Variants in LOC400499 observed in about 807,000 individuals in gnomAD.
At chr16:11,474,786 T>C in the LOC400499 span, among the ~76,000 whole-genome samples, 1 of 152,100 alleles carries the variant, frequency 6.6e-6, no homozygotes, top group African/African-American at 2.4e-5. Context: ...GGAGGACCAC[T>C]TGAGCCTGGG....
At chr16:11,457,099 G>A in the LOC400499 span, 3 of 1,451,768 alleles carry the variant, frequency 2.1e-6, no homozygotes, top group South Asian at 1.4e-5. Flanking sequence ...GGCGTAGAAT[G>A]TGCCCGGGAA....
chr16:11,518,158 G>C, the LOC400499 span, among the ~76,000 whole-genome samples: 79 of 152,312 alleles, frequency 5.2e-4, no homozygotes, highest in African/African-American at 1.8e-3. Flanking sequence ...TAGTCCCCTT[G>C]GAGGAGACCC....
the LOC400499 span, among the ~76,000 whole-genome samples, chr16:11,481,962 T>C: frequency 6.6e-6 from 1 of 152,322 alleles, no homozygotes; most frequent in Non-Finnish European, 1.5e-5. Flanking sequence ...TGGTTATTTT[T>C]ACATATGAGA....
At chr16:11,488,629 G>A in the LOC400499 span, 1 of 396,648 alleles carries the variant, frequency 2.5e-6, no homozygotes, top group Admixed American at 4.4e-5. Flanking sequence ...TGATCCACAT[G>A]CTCTCAAGAG....
the LOC400499 span, chr16:11,448,019 G>A: frequency 5.2e-6 from 8 of 1,536,024 alleles, no homozygotes; most frequent in South Asian, 3.6e-5. Flanking sequence ...AGGCCCCGAG[G>A]CTGGCCCTGG....
the LOC400499 span, chr16:11,457,125 A>G: frequency 7.6e-7 from 1 of 1,321,162 alleles, no homozygotes; most frequent in Non-Finnish European, 1.0e-6. Flanking sequence ...GGCAGCAGCG[A>G]GCCAAGATTG....
At chr16:11,401,903 C>T in the LOC400499 span, 4 of 397,828 alleles carry the variant, frequency 1.0e-5, no homozygotes, top group Non-Finnish European at 1.8e-5. Context: ...TCCCACAGTC[C>T]CTTGGGGATG....
the LOC400499 span, chr16:11,440,736 G>A: frequency 4.5e-5 from 18 of 399,024 alleles, no homozygotes; most frequent in South Asian, 1.3e-4. Context: ...GGGATGTGAC[G>A]TTGTGATTGA....
the LOC400499 span, among the ~76,000 whole-genome samples, chr16:11,415,120 C>T: frequency 3.3e-5 from 5 of 152,190 alleles, no homozygotes; most frequent in East Asian, 1.9e-4. Context: ...ATGGCCACTG[C>T]GGCCACTGAC....
At chr16:11,478,483 C>A in the LOC400499 span, 1 of 398,838 alleles carries the variant, frequency 2.5e-6, no homozygotes, top group South Asian at 1.3e-4. Flanking sequence ...AGTGCTTTGC[C>A]AAGTGTCACA....
the LOC400499 span, among the ~76,000 whole-genome samples, chr16:11,388,092 G>T: frequency 6.6e-6 from 1 of 152,132 alleles, no homozygotes; most frequent in Non-Finnish European, 1.5e-5. Context: ...CCAGTAGAGA[G>T]GGAGCAGGGG....
At chr16:11,406,604 A>G in the LOC400499 span, among the ~76,000 whole-genome samples, 2 of 152,152 alleles carry the variant, frequency 1.3e-5, no homozygotes, top group South Asian at 2.1e-4. Context: ...GGCTAATTCC[A>G]TATTTTTAGT....
chr16:11,499,846 G>A, the LOC400499 span, among the ~76,000 whole-genome samples: 1 of 152,164 alleles, frequency 6.6e-6, no homozygotes, highest in Non-Finnish European at 1.5e-5. Flanking sequence ...GGAAAGTGAG[G>A]ACACACCCCA....
chr16:11,393,849 G>A, the LOC400499 span, among the ~76,000 whole-genome samples: 13 of 152,202 alleles, frequency 8.5e-5, no homozygotes, highest in African/African-American at 3.1e-4. Context: ...AGGCCAAGAC[G>A]GGTGGATCGC....
chr16:11,390,738 G>A, the LOC400499 span, among the ~76,000 whole-genome samples: 1 of 152,198 alleles, frequency 6.6e-6, no homozygotes, highest in African/African-American at 2.4e-5. Flanking sequence ...GAGGCTCCCT[G>A]CATCTGAACT....
the LOC400499 span, chr16:11,478,651 C>T: frequency 7.3e-5 from 29 of 399,184 alleles, no homozygotes; most frequent in Admixed American, 2.2e-4. Context: ...CAGCTCGCAT[C>T]GCAGAGCCTG....
At chr16:11,396,592 G>A in the LOC400499 span, 1 of 1,232,154 alleles carries the variant, frequency 8.1e-7, no homozygotes, top group Admixed American at 4.2e-5. Context: ...CGTGGTCTGG[G>A]TCTGGTGCAA....
the LOC400499 span, chr16:11,423,055 C>T: frequency 2.5e-6 from 1 of 398,248 alleles, no homozygotes; most frequent in Non-Finnish European, 4.4e-6. Flanking sequence ...ATGTGAGTAT[C>T]TCCTGGCAGC....
chr16:11,484,430 T>G, the LOC400499 span, among the ~76,000 whole-genome samples: 1 of 152,196 alleles, frequency 6.6e-6, no homozygotes, highest in Non-Finnish European at 1.5e-5. Flanking sequence ...ACTGTACACC[T>G]TAACCATGTA....
Sources: allele counts gnomAD v4.1 joint callset (sites outside exome capture counted in the v4.1 genomes callset), GRCh38; gene constraint gnomAD v4.1.1; transcripts MANE v1.5.